DLGAP1: variants seen among roughly 807,000 people sequenced by gnomAD.
DLGAP1 encodes the protein DLG associated protein 1.
DLGAP1 carries 11 observed loss-of-function variants against 90.8 expected under a neutral mutation model. The ratio of observed to expected loss-of-function variants is 0.12; its 90% CI spans 0.08 to 0.20. The LOEUF (loss-of-function observed/expected upper bound fraction) is 0.20, where lower values mean the gene tolerates loss of function less well. DLGAP1 is among the 10% of genes least tolerant of loss of function. The probability of loss-of-function intolerance (pLI) is 1.00; values close to 1 mark genes in which losing one functional copy is unlikely to be tolerated. For missense variants in DLGAP1, 1,050 were observed against 1,333.8 expected (o/e 0.79, Z 3.31); for synonymous variants, 558 against 540.7 (o/e 1.03, Z -0.44).
At chr18:4,221,628 C>T (rs918361589) in intron 1 of DLGAP1, among the ~76,000 whole-genome samples, 1 of 152,136 alleles carries the variant, frequency 6.6e-6, no homozygotes, top group Admixed American at 6.6e-5. Flanking sequence ...CATCAGCAGA[C>T]GTGAAGTTGA....
intron 1 of DLGAP1, among the ~76,000 whole-genome samples, chr18:4,338,463 G>C (rs1270079232): frequency 6.6e-6 from 1 of 152,298 alleles, no homozygotes; most frequent in African/African-American, 2.4e-5. Flanking sequence ...ACACAGGTTT[G>C]TTAAATGACC....
intron 7 of DLGAP1, among the ~76,000 whole-genome samples, chr18:3,723,635 C>T (rs943910630): frequency 4.6e-5 from 7 of 151,792 alleles, no homozygotes; most frequent in African/African-American, 1.5e-4. Context: ...GGTGTGGTCT[C>T]CTGGGTAGGA....
At chr18:4,190,012 T>C (rs1598583726) in intron 1 of DLGAP1, among the ~76,000 whole-genome samples, 1 of 152,086 alleles carries the variant, frequency 6.6e-6, no homozygotes, top group African/African-American at 2.4e-5. Context: ...TATCAAAGGC[T>C]TGTGATAACA....
At chr18:4,290,331 A>G (rs968971031) in intron 1 of DLGAP1, among the ~76,000 whole-genome samples, 7 of 152,262 alleles carry the variant, frequency 4.6e-5, no homozygotes, top group Non-Finnish European at 1.0e-4. Flanking sequence ...CTGCAGGTGC[A>G]ATTTAAAGAA....
intron 1 of DLGAP1, among the ~76,000 whole-genome samples, chr18:4,266,460 C>A (rs1598761442): frequency 1.3e-5 from 2 of 152,328 alleles, no homozygotes; most frequent in East Asian, 3.9e-4. Context: ...GAAGGCCTCG[C>A]TAGATCAACG....
intron 2 of DLGAP1, among the ~76,000 whole-genome samples, chr18:4,082,193 T>C (rs2075617912): frequency 6.6e-6 from 1 of 151,570 alleles, no homozygotes; most frequent in Admixed American, 6.6e-5. Context: ...TACAAAAAAA[T>C]TAGCTGGGCG....
chr18:3,770,241 C>G (rs908611757), intron 5 of DLGAP1, among the ~76,000 whole-genome samples: 1 of 152,204 alleles, frequency 6.6e-6, no homozygotes, highest in Non-Finnish European at 1.5e-5. Flanking sequence ...CTTCCATTTT[C>G]CCTGTCTGAT....
rs184602775 is a variant in DLGAP1 at position 4,112,420 on chromosome 18, C to G, written c.-159+38760G>C. ...GTTGGGTGGAGGATTCTATAGATGT[C>G]TGTTAGATCTTGTTAGTTTATACTG... is the stretch of plus-strand genomic sequence containing the variant. On this transcript the variant is annotated intron_variant, in intron 2 of 12. Transcript: ENST00000315677. Among the ~76,000 whole-genome samples, 367 of 152,154 alleles carry G rather than the reference C, an allele frequency of 2.4e-3. 1 individual carries two copies. The highest frequency in any genetic ancestry group is 8.1e-3 in the African/African-American group (337 of 41,522).
chr18:4,426,809 C>T (rs1282695979), intron 1 of DLGAP1, among the ~76,000 whole-genome samples: 2 of 152,016 alleles, frequency 1.3e-5, no homozygotes, highest in African/African-American at 2.4e-5. Context: ...CCTGAAATCA[C>T]GTAAAACCAA....
intron 2 of DLGAP1, among the ~76,000 whole-genome samples, chr18:4,039,459 A>C (rs2074943440): frequency 6.6e-6 from 1 of 152,206 alleles, no homozygotes; most frequent in Non-Finnish European, 1.5e-5. Context: ...CTCTTTCCTA[A>C]GAGAAAACTT....
chr18:3,792,711 C>T (rs546048438), intron 5 of DLGAP1, among the ~76,000 whole-genome samples: 1 of 152,284 alleles, frequency 6.6e-6, no homozygotes, highest in South Asian at 2.1e-4. Context: ...TACAGGCCAG[C>T]TTCTTTGGGC....
intron 6 of DLGAP1, among the ~76,000 whole-genome samples, chr18:3,733,978 T>A (rs2062542572): frequency 1.3e-5 from 2 of 152,234 alleles, no homozygotes; most frequent in African/African-American, 4.8e-5. Flanking sequence ...TAAAGTCTTG[T>A]AATTTTACAA....
intron 1 of DLGAP1, among the ~76,000 whole-genome samples, chr18:4,199,546 C>A (rs1480538106): frequency 6.6e-6 from 1 of 152,152 alleles, no homozygotes; most frequent in African/African-American, 2.4e-5. Flanking sequence ...ATGTTAATAT[C>A]TTCTGGCATA....
chr18:3,925,503 G>A (rs906879370), intron 3 of DLGAP1, among the ~76,000 whole-genome samples: 50 of 152,114 alleles, frequency 3.3e-4, no homozygotes, highest in African/African-American at 9.6e-4. Context: ...TCACTCTGGT[G>A]TGCTCTGGGA....
At chr18:3,503,954 G>T (rs1211897422) in intron 11 of DLGAP1, among the ~76,000 whole-genome samples, 1 of 152,104 alleles carries the variant, frequency 6.6e-6, no homozygotes, top group African/African-American at 2.4e-5. Context: ...AAATAATCCA[G>T]GCACGATGGT....
intron 3 of DLGAP1, among the ~76,000 whole-genome samples, chr18:3,926,831 G>C (rs1381119271): frequency 6.6e-6 from 1 of 152,060 alleles, no homozygotes; most frequent in East Asian, 1.9e-4. Context: ...AAAAGAGCCT[G>C]GGCATTTTGG....
chr18:4,150,417 GTCTC>G (rs1023177740), intron 2 of DLGAP1, among the ~76,000 whole-genome samples: 6 of 151,910 alleles, frequency 3.9e-5, no homozygotes, highest in African/African-American at 1.5e-4. Flanking sequence ...TTGAGATGGA[GTCTC>G]TCTCTGTCAC....
At chr18:4,235,397 G>A (rs1347835139) in intron 1 of DLGAP1, among the ~76,000 whole-genome samples, 1 of 152,192 alleles carries the variant, frequency 6.6e-6, no homozygotes. Flanking sequence ...GAGACATCGT[G>A]AGAGTAACAT....
At chr18:4,305,016 C>T (rs1198076974) in intron 1 of DLGAP1, among the ~76,000 whole-genome samples, 1 of 151,970 alleles carries the variant, frequency 6.6e-6, no homozygotes, top group African/African-American at 2.4e-5. Context: ...ACTCTCCTTG[C>T]CCACTCCTTT....
Sources: allele counts gnomAD v4.1 joint callset (sites outside exome capture counted in the v4.1 genomes callset), GRCh38; gene constraint gnomAD v4.1.1; transcripts MANE v1.5; gene names NCBI Gene and HGNC (gene_info 2026-07-23, HGNC 2026-07-21).